Variants in TAFA2 observed in about 807,000 individuals in gnomAD.
The protein encoded by TAFA2 is chemokine-like protein TAFA-2.
TAFA2 carries 7 observed loss-of-function variants against 18.8 expected under a neutral mutation model. The observed-to-expected ratio is 0.37, with a 90% confidence interval of 0.21 to 0.70. The LOEUF (loss-of-function observed/expected upper bound fraction) is 0.70, where lower values mean the gene tolerates loss of function less well. TAFA2 is among the 30% of genes least tolerant of loss of function. The pLI is 0.53. For missense variants in TAFA2, 122 were observed against 158.1 expected (o/e 0.77, Z 1.23); for synonymous variants, 60 against 54.2 (o/e 1.11, Z -0.47).
intron 1 of TAFA2, among the ~76,000 whole-genome samples, chr12:61,991,277 C>A (rs1011055723): frequency 6.6e-6 from 1 of 152,160 alleles, no homozygotes; most frequent in Non-Finnish European, 1.5e-5. Flanking sequence ...TTATACGGTG[C>A]ATTGTAAGTC....
chr12:61,718,087 C>A (rs1045693001), intron 4 of TAFA2, among the ~76,000 whole-genome samples: 2 of 152,156 alleles, frequency 1.3e-5, no homozygotes, highest in Non-Finnish European at 1.5e-5. Context: ...GAATGCAGAA[C>A]TAGTGAGCTC....
At chr12:61,878,277 C>A in intron 1 of TAFA2, 1 of 279,644 alleles carries the variant, frequency 3.6e-6, no homozygotes, top group Non-Finnish European at 7.2e-6. Flanking sequence ...CTGAATTGTA[C>A]AAAAAATGGC....
intron 1 of TAFA2, among the ~76,000 whole-genome samples, chr12:62,243,084 A>AT (rs1384728090): frequency 1.6e-4 from 24 of 152,356 alleles, no homozygotes; most frequent in African/African-American, 5.5e-4. Flanking sequence ...AGTTATTTAG[A>AT]TTTTTTAAAT....
intron 1 of TAFA2, among the ~76,000 whole-genome samples, chr12:62,118,644 A>G (rs187974117): frequency 6.6e-6 from 1 of 152,048 alleles, no homozygotes; most frequent in Non-Finnish European, 1.5e-5. Flanking sequence ...AGGCTTTTAT[A>G]TTTTCTTCCA....
intron 1 of TAFA2, among the ~76,000 whole-genome samples, chr12:61,903,588 T>C (rs892188221): frequency 3.9e-5 from 6 of 152,200 alleles, no homozygotes; most frequent in African/African-American, 9.6e-5. Flanking sequence ...ATTTATTAGA[T>C]AAATAAATTT....
At chr12:61,927,374 T>A (rs1182698552) in intron 1 of TAFA2, among the ~76,000 whole-genome samples, 1 of 151,924 alleles carries the variant, frequency 6.6e-6, no homozygotes, top group Non-Finnish European at 1.5e-5. Context: ...CAATAACAGA[T>A]AAACAGAGAG....
intron 1 of TAFA2, among the ~76,000 whole-genome samples, chr12:62,136,241 T>C (rs538519549): frequency 2.0e-5 from 3 of 152,268 alleles, no homozygotes; most frequent in Admixed American, 2.0e-4. Context: ...GATGCAATAA[T>C]CTTCAAAGTT....
intron 1 of TAFA2, among the ~76,000 whole-genome samples, chr12:62,067,025 A>G (rs964166671): frequency 6.6e-6 from 1 of 152,060 alleles, no homozygotes; most frequent in Non-Finnish European, 1.5e-5. Flanking sequence ...ATGAGATAAT[A>G]TTTCATTGTA....
intron 1 of TAFA2, among the ~76,000 whole-genome samples, chr12:62,075,371 C>T (rs1592320147): frequency 6.6e-6 from 1 of 152,192 alleles, no homozygotes; most frequent in Middle Eastern, 3.4e-3. Context: ...GGCATACATC[C>T]CCAGGCTCTT....
chr12:61,876,082 A>G (rs1222753104), intron 1 of TAFA2, among the ~76,000 whole-genome samples: 1 of 152,198 alleles, frequency 6.6e-6, no homozygotes, highest in Non-Finnish European at 1.5e-5. Flanking sequence ...AATATTCATA[A>G]TAAAACATTT....
rs969732159 is a variant in TAFA2, at chr12:62,037,610, G to T, written c.-2+153649C>A. Among the ~76,000 whole-genome samples, 21 of 152,234 alleles carry T rather than the reference G, an allele frequency of 1.4e-4. 1 individual carries two copies. Among genetic ancestry groups the T allele is most frequent in the African/African-American group, 4.8e-4 (20 of 41,536 alleles). On this transcript the variant is annotated intron_variant, in intron 1 of 4. Coordinates refer to ENST00000416284, the MANE Select transcript of TAFA2 (RefSeq NM_178539.5). ...ATACATATGCCCACGACCCACTACAGACTTATGGAATAAAACTCATCGGAG... is the reference window on the plus strand; with the variant it reads ...ATACATATGCCCACGACCCACTACATACTTATGGAATAAAACTCATCGGAG...
At position 61,919,417 on chromosome 12, in the gene TAFA2, T is replaced by G. The variant is rs530884168; in HGVS notation, c.-1-51991A>C. Among the ~76,000 whole-genome samples the G allele has an allele frequency of 4.6e-5, 7 of 152,320 alleles. No homozygotes were observed. In the East Asian group the frequency reaches 1.4e-3, roughly 29 times the overall value. On this transcript the variant is annotated intron_variant, in intron 1 of 4. Coordinates refer to ENST00000416284, the MANE Select transcript of TAFA2 (RefSeq NM_178539.5). Reference sequence around the variant, plus strand: ...CCTTCCAATTCTCTTTCTGAATATCTGTTTCACAGATGGAAGCTTCAGTGA... The same window carrying G: ...CCTTCCAATTCTCTTTCTGAATATCGGTTTCACAGATGGAAGCTTCAGTGA...
chr12:62,064,223 C>G (rs1298297661), intron 1 of TAFA2, among the ~76,000 whole-genome samples: 2 of 151,952 alleles, frequency 1.3e-5, no homozygotes, highest in African/African-American at 4.8e-5. Flanking sequence ...ATTGTAAACA[C>G]TATTATTTTT....
At chr12:61,991,057 A>G (rs867376260) in intron 1 of TAFA2, among the ~76,000 whole-genome samples, 1 of 152,206 alleles carries the variant, frequency 6.6e-6, no homozygotes, top group Non-Finnish European at 1.5e-5. Context: ...ATAAACTGAG[A>G]GAAGCAATAG....
intron 1 of TAFA2, among the ~76,000 whole-genome samples, chr12:62,203,572 A>T (rs2062680277): frequency 1.3e-5 from 2 of 152,164 alleles, no homozygotes; most frequent in Non-Finnish European, 2.9e-5. Context: ...TGTTGAATTT[A>T]ACTCTTTACC....
At chr12:61,759,828 A>G (rs566790170) in intron 2 of TAFA2, among the ~76,000 whole-genome samples, 1 of 152,084 alleles carries the variant, frequency 6.6e-6, no homozygotes, top group Non-Finnish European at 1.5e-5. Context: ...CTGAGAAACT[A>G]TTCTATAATG....
At position 62,155,245 on chromosome 12, in the gene TAFA2, G is replaced by A. The variant is rs2062360355; in HGVS notation, c.-2+36014C>T. On this transcript the variant is annotated intron_variant, in intron 1 of 4. Transcript: ENST00000416284. ...GCTTAGGAATATACCTAACCAAGGA[G>A]TCGAAAGACCTCTACAAGTAAAACT... is the stretch of plus-strand genomic sequence containing the variant. 2.0e-5 allele frequency among the ~76,000 whole-genome samples: 3 copies of A among 152,170 alleles called. No homozygotes were observed. The South Asian group carries it at 6.2e-4, about 32-fold the overall frequency.
chr12:62,175,041 G>GTA (rs2062502887), intron 1 of TAFA2, among the ~76,000 whole-genome samples: 1 of 152,160 alleles, frequency 6.6e-6, no homozygotes, highest in African/African-American at 2.4e-5. Flanking sequence ...ATTAATAAGT[G>GTA]TATTGATGAG....
intron 2 of TAFA2, among the ~76,000 whole-genome samples, chr12:61,851,422 C>A (rs182518647): frequency 5.7e-4 from 86 of 152,088 alleles, no homozygotes; most frequent in African/African-American, 2.0e-3. Context: ...GAGAAGCTGC[C>A]CAAAGGAGGG....
Sources: gnomAD v4.1 joint callset for allele counts (sites outside exome capture counted in the v4.1 genomes callset) on GRCh38, gnomAD v4.1.1 for gene constraint, MANE v1.5 for transcripts, NCBI Gene and HGNC (gene_info 2026-07-23, HGNC 2026-07-21) for gene names.